The following KIAA1217 variants were observed in gnomAD, a reference collection of about 807,000 sequenced individuals.
KIAA1217 encodes KIAA1217, also known as sickle tail protein homolog.
KIAA1217 carries 88 observed loss-of-function variants against 163.9 expected under a neutral mutation model. The observed-to-expected ratio is 0.54, with a 90% CI of 0.45 to 0.64. The LOEUF is 0.64. KIAA1217 is among the 30% of genes least tolerant of loss of function. The pLI is 0.00. For missense variants in KIAA1217, 2,372 were observed against 2,475.0 expected (o/e 0.96, Z 0.88); for synonymous variants, 903 against 923.1 (o/e 0.98, Z 0.39).
chr10:24,083,555 C>A (rs1195385371), intron 2 of KIAA1217, among the ~76,000 whole-genome samples: 1 of 152,092 alleles, frequency 6.6e-6, no homozygotes, highest in Non-Finnish European at 1.5e-5. Context: ...TATATGCTGG[C>A]AAAGAATTAA....
rs551971588 is a variant in KIAA1217, at chr10:23,866,907, G to T, written c.-320-140318G>T. 1.8e-3 allele frequency among the ~76,000 whole-genome samples: 275 copies of T among 151,374 alleles called. 2 individuals are homozygous for T. The highest frequency in any genetic ancestry group is 6.5e-3 in the African/African-American group (266 of 41,218). On this transcript the variant is annotated intron_variant, in intron 1 of 18. Transcript: ENST00000376462. ...GTACATGTGCACAATGTGCAGGTTA[G>T]TTACATATGTATACATGTGCCATGC...
intron 1 of KIAA1217, among the ~76,000 whole-genome samples, chr10:23,704,346 C>T (rs1021785001): frequency 6.6e-6 from 1 of 150,406 alleles, no homozygotes; most frequent in Admixed American, 6.6e-5. Context: ...AGTATAGTTG[C>T]ATTTTTAAAA....
At chr10:24,153,132 A>C (rs1589694263) in intron 2 of KIAA1217, among the ~76,000 whole-genome samples, 1 of 152,296 alleles carries the variant, frequency 6.6e-6, no homozygotes, top group East Asian at 1.9e-4. Context: ...TTTTACCATG[A>C]AGTCTGACTG....
At position 24,094,734 on chromosome 10, in the gene KIAA1217, G is replaced by A. The variant is rs561031526; in HGVS notation, c.-171+87360G>A. The stretch of plus-strand genomic sequence containing the variant: ...TGCCGGTTCTCAGATCTCCAGCTGC[G>A]TGCTGGGAGAACCACTGCTCTCTTC... On this transcript the variant is annotated intron_variant, in intron 2 of 18. Transcript: ENST00000376462. 2.7e-3 allele frequency among the ~76,000 whole-genome samples: 415 copies of A among 152,272 alleles called. 2 individuals are homozygous for A. The highest frequency in any genetic ancestry group is 3.9e-3 in the Non-Finnish European group (268 of 68,012).
chr10:24,280,091 C>A (rs1456237309), intron 2 of KIAA1217, among the ~76,000 whole-genome samples: 1 of 152,142 alleles, frequency 6.6e-6, no homozygotes, highest in African/African-American at 2.4e-5. Context: ...TGATGTTCTT[C>A]CTTTATCCTT....
chr10:24,273,979 G>A (rs2077022908), intron 2 of KIAA1217, among the ~76,000 whole-genome samples: 1 of 152,026 alleles, frequency 6.6e-6, no homozygotes. Flanking sequence ...ATTTGGTGTA[G>A]GGCATTTTCT....
intron 2 of KIAA1217, among the ~76,000 whole-genome samples, chr10:24,032,646 T>C (rs1848234964): frequency 6.6e-6 from 1 of 152,118 alleles, no homozygotes; most frequent in Admixed American, 6.5e-5. Context: ...AAGTAAGAGG[T>C]CATGCCCACT....
At chr10:24,151,909 T>C (rs2064634742) in intron 2 of KIAA1217, among the ~76,000 whole-genome samples, 1 of 152,144 alleles carries the variant, frequency 6.6e-6, no homozygotes, top group African/African-American at 2.4e-5. Context: ...TCTCATCTAA[T>C]TCCAAATCCT....
chr10:23,792,772 G>T (rs1275949612), intron 1 of KIAA1217, among the ~76,000 whole-genome samples: 1 of 151,898 alleles, frequency 6.6e-6, no homozygotes, highest in Non-Finnish European at 1.5e-5. Flanking sequence ...AAAGTACTGG[G>T]ATTACAGGTG....
At position 23,855,552 on chromosome 10, in the gene KIAA1217, A is replaced by G. The variant is rs1259301295; in HGVS notation, c.-320-151673A>G. 2.0e-5 allele frequency among the ~76,000 whole-genome samples: 3 copies of G among 152,054 alleles called. No homozygotes were observed. The East Asian group carries it at 5.8e-4, about 29-fold the overall frequency. On this transcript the variant is annotated intron_variant, in intron 1 of 18. Coordinates refer to the KIAA1217 transcript ENST00000376462. Reference sequence around the variant, plus strand: ...CATTCTCTGTATTTCCTGAATCTGAATGTTGGCCTGCCTTGCTAGATTGGG... The same window carrying G: ...CATTCTCTGTATTTCCTGAATCTGAGTGTTGGCCTGCCTTGCTAGATTGGG...
At chr10:24,003,431 T>A (rs1310946865) in intron 1 of KIAA1217, among the ~76,000 whole-genome samples, 1 of 152,196 alleles carries the variant, frequency 6.6e-6, no homozygotes, top group Non-Finnish European at 1.5e-5. Flanking sequence ...AGCTTTTTTT[T>A]ATGTTTTTTG....
intron 3 of KIAA1217, among the ~76,000 whole-genome samples, chr10:24,411,455 C>T (rs1208283750): frequency 6.6e-6 from 1 of 152,156 alleles, no homozygotes; most frequent in Non-Finnish European, 1.5e-5. Context: ...TTTTATTGTA[C>T]TTACATTCCC....
intron 1 of KIAA1217, among the ~76,000 whole-genome samples, chr10:23,828,053 C>T (rs1588899667): frequency 6.6e-6 from 1 of 152,132 alleles, no homozygotes. Context: ...TAATTTTAAG[C>T]TAATTAACGC....
intron 2 of KIAA1217, among the ~76,000 whole-genome samples, chr10:24,114,795 C>A (rs1046375556): frequency 2.0e-5 from 3 of 152,244 alleles, no homozygotes; most frequent in African/African-American, 7.2e-5. Context: ...AAAAGCCAGA[C>A]CTCCTCATCA....
At chr10:23,770,417 C>T (rs1834741063) in intron 1 of KIAA1217, among the ~76,000 whole-genome samples, 1 of 152,120 alleles carries the variant, frequency 6.6e-6, no homozygotes, top group Admixed American at 6.5e-5. Flanking sequence ...TAAAATATTC[C>T]TTCAGGCTAA....
chr10:24,048,603 G>T (rs985844753), intron 2 of KIAA1217, among the ~76,000 whole-genome samples: 1 of 151,950 alleles, frequency 6.6e-6, no homozygotes, highest in African/African-American at 2.4e-5. Context: ...GGTGGCAGCC[G>T]CCTGTAATCC....
intron 2 of KIAA1217, among the ~76,000 whole-genome samples, chr10:24,193,683 C>T (rs2066834229): frequency 6.6e-6 from 1 of 152,166 alleles, no homozygotes; most frequent in Non-Finnish European, 1.5e-5. Flanking sequence ...ATCCAGATAA[C>T]TCCATCTGGG....
chr10:24,494,949 G>A (rs545157495), intron 7 of KIAA1217, 198 bp from the exon 8 acceptor site: 1 of 592,048 alleles, frequency 1.7e-6, no homozygotes, highest in African/African-American at 1.9e-5. Flanking sequence ...GAGCCTGGCT[G>A]CATTCCACCC....
At chr10:24,063,874 T>C (rs951384811) in intron 2 of KIAA1217, among the ~76,000 whole-genome samples, 2 of 152,222 alleles carry the variant, frequency 1.3e-5, no homozygotes, top group South Asian at 2.1e-4. Flanking sequence ...GTAAGTTGGA[T>C]TCCTAGGTAT....
Sources: gnomAD v4.1 joint callset for allele counts (sites outside exome capture counted in the v4.1 genomes callset) on GRCh38, gnomAD v4.1.1 for gene constraint, MANE v1.5 for transcripts, NCBI Gene and HGNC (gene_info 2026-07-23, HGNC 2026-07-21) for gene names.